DCK: variants seen among roughly 807,000 people sequenced by gnomAD.
The protein encoded by DCK is deoxyadenosine kinase.
DCK carries 23 observed loss-of-function variants against 38.3 expected under a neutral mutation model. That is an observed-to-expected ratio of 0.60 (90% CI 0.43 to 0.85). The LOEUF (loss-of-function observed/expected upper bound fraction) is 0.85, where lower values mean the gene tolerates loss of function less well. DCK is among the 40% of genes least tolerant of loss of function. The probability of loss-of-function intolerance (pLI) is 0.00; values close to 1 mark genes in which losing one functional copy is unlikely to be tolerated. For synonymous variants in DCK, 108 were observed against 100.6 expected, an observed-to-expected ratio of 1.07 and a Z score of -0.44; for missense variants, 259 against 304.4, an observed-to-expected ratio of 0.85 and a Z score of 1.11.
At chr4:71,002,690 A>T (rs1739837864) in intron 2 of DCK, among the ~76,000 whole-genome samples, 1 of 152,010 alleles carries the variant, frequency 6.6e-6, no homozygotes, top group Non-Finnish European at 1.5e-5. Context: ...TTGTTGTTGC[A>T]TTGAACCCTT....
intron 1 of DCK, among the ~76,000 whole-genome samples, chr4:70,997,142 C>G (rs1242304889): frequency 2.0e-5 from 3 of 152,150 alleles, no homozygotes; most frequent in Non-Finnish European, 4.4e-5. Flanking sequence ...AAGTTGAATG[C>G]TGTAGCCTTA....
Position 71,029,455 on chromosome 4 carries a change from T to A in DCK, c.*77T>A, listed in dbSNP as rs748391509. 1 of 1,080,282 alleles carries A rather than the reference T, an allele frequency of 9.3e-7. No homozygotes were observed. Among genetic ancestry groups the A allele is most frequent in the Non-Finnish European group, 1.4e-6 (1 of 723,784 alleles). The allele number at this position is 1,080,282 out of a possible 1,614,324, so 66.9% of individuals were successfully genotyped here. The stretch of plus-strand genomic sequence containing the variant: ...GTATCTTCGTAACTTCATATTAATA[T>A]AAGTTTCTTTAGAAAACCCAAGTTT... On this transcript the variant is annotated 3_prime_UTR_variant, in exon 7 of 7. Transcript: ENST00000286648.
chr4:71,007,173 T>C (rs1055821612), intron 2 of DCK, among the ~76,000 whole-genome samples: 1 of 152,240 alleles, frequency 6.6e-6, no homozygotes, highest in African/African-American at 2.4e-5. Flanking sequence ...TCTTCCCATA[T>C]AGACCTCATT....
chr4:70,999,592 G>A (rs574796150), intron 2 of DCK, among the ~76,000 whole-genome samples: 6 of 152,240 alleles, frequency 3.9e-5, no homozygotes, highest in South Asian at 2.1e-4. Flanking sequence ...TTGAGGAATC[G>A]CCACACTATC....
At chr4:71,006,406 C>G in intron 2 of DCK, 1 of 346,048 alleles carries the variant, frequency 2.9e-6, no homozygotes. Flanking sequence ...ATTTTCGTTT[C>G]TGGAGAAATG....
At chr4:71,020,752 G>A (rs1740393925) in intron 2 of DCK, among the ~76,000 whole-genome samples, 3 of 151,730 alleles carry the variant, frequency 2.0e-5, no homozygotes, top group Admixed American at 1.3e-4. Context: ...ATTCATTTTC[G>A]ATGTTCAAAT....
chr4:71,025,957 C>A, intron 5 of DCK, 26 bp downstream of exon 5: 1 of 1,551,354 alleles, frequency 6.4e-7, no homozygotes, highest in South Asian at 1.3e-5. Flanking sequence ...ATTTACTATT[C>A]ATTTTAAATA....
At chr4:71,006,908 A>AG (rs1396700085) in intron 2 of DCK, among the ~76,000 whole-genome samples, 1 of 152,238 alleles carries the variant, frequency 6.6e-6, no homozygotes, top group Non-Finnish European at 1.5e-5. Flanking sequence ...TTGAAAAAAA[A>AG]GTATCTAAAA....
chr4:71,001,962 C>T (rs772725045), intron 2 of DCK, among the ~76,000 whole-genome samples: 2 of 152,090 alleles, frequency 1.3e-5, no homozygotes, highest in Non-Finnish European at 2.9e-5. Flanking sequence ...TTTCGTGTCT[C>T]TATCTCCTTC....
chr4:71,029,474 C>A lies in DCK; in HGVS notation c.*96C>A. On this transcript the variant is annotated 3_prime_UTR_variant, in exon 7 of 7. Coordinates refer to ENST00000286648, the MANE Select transcript of DCK (RefSeq NM_000788.3). The stretch of plus-strand genomic sequence containing the variant: ...TTAATATAAGTTTCTTTAGAAAACC[C>A]AAGTTTTTAATCGTTTTTGTTTTAA... 1 of 901,720 alleles carries A rather than the reference C, an allele frequency of 1.1e-6. No individual in the cohort carries two copies. The highest frequency in any genetic ancestry group is 1.6e-5 in the South Asian group (1 of 61,684). 55.9% of individuals were successfully genotyped at this position (901,720 alleles called of 1,614,324 possible).
chr4:71,006,302 C>T, intron 2 of DCK: 1 of 958,020 alleles, frequency 1.0e-6, no homozygotes, highest in Non-Finnish European at 1.2e-6. Context: ...CCGTTCTGCA[C>T]TGCAAATGAG....
chr4:71,008,187 T>C (rs1739996592), intron 2 of DCK, among the ~76,000 whole-genome samples: 1 of 152,326 alleles, frequency 6.6e-6, no homozygotes, highest in South Asian at 2.1e-4. Context: ...AGAAGTAAAA[T>C]TACTGGGAAT....
In DCK at chr4:71,029,560, G is replaced by C. The variant is rs1032337536; in HGVS notation, c.*182G>C. 1 of 450,450 alleles carries C rather than the reference G, an allele frequency of 2.2e-6. No homozygotes were observed. The highest frequency in any genetic ancestry group is 4.0e-6 in the Non-Finnish European group (1 of 248,516). The allele number at this position is 450,450 out of a possible 1,614,324, so 27.9% of individuals were successfully genotyped here. On this transcript the variant is annotated 3_prime_UTR_variant, in exon 7 of 7. Coordinates refer to ENST00000286648, the MANE Select transcript of DCK (RefSeq NM_000788.3). ...CTTTTTGACCAGTTTCTTTTCTTTT[G>C]TTTTTTTTTTAAAAAAGACATTTAA... is the stretch of plus-strand genomic sequence containing the variant.
intron 2 of DCK, among the ~76,000 whole-genome samples, chr4:71,015,085 G>C (rs1329260237): frequency 6.6e-6 from 1 of 151,678 alleles, no homozygotes; most frequent in Non-Finnish European, 1.5e-5. Flanking sequence ...ATGACAAAGG[G>C]AGTATCACCA....
intron 2 of DCK, among the ~76,000 whole-genome samples, chr4:71,020,347 G>T (rs76686379): frequency 0.023 from 3,500 of 152,294 alleles, 148 homozygotes; most frequent in African/African-American, 0.08. Flanking sequence ...ACATCAAGAA[G>T]ATGTGTTTTG....
At chr4:71,019,521 C>T (rs1050991349) in intron 2 of DCK, among the ~76,000 whole-genome samples, 1 of 151,916 alleles carries the variant, frequency 6.6e-6, no homozygotes, top group Non-Finnish European at 1.5e-5. Context: ...ATCCAGAGAC[C>T]CCTGGAGCTT....
At position 71,008,274 on chromosome 4, in the gene DCK, G is replaced by T. The variant is rs376334955; in HGVS notation, c.207+10092G>T. On this transcript the variant is annotated intron_variant, in intron 2 of 6. Coordinates refer to ENST00000286648, the MANE Select transcript of DCK (RefSeq NM_000788.3). ...TGTAATCAAGCTCTCATTAATCTAT[G>T]TCTTTGCCAGCATTTAGTAGTGTCT... is the stretch of plus-strand genomic sequence containing the variant. Among the ~76,000 whole-genome samples, 122 of 152,310 alleles carry T rather than the reference G, an allele frequency of 8.0e-4. 2 individuals carry two copies. The highest frequency in any genetic ancestry group is 2.8e-3 in the African/African-American group (117 of 41,574).
intron 2 of DCK, among the ~76,000 whole-genome samples, chr4:71,006,933 G>A (rs572677637): frequency 6.6e-6 from 1 of 152,162 alleles, no homozygotes; most frequent in African/African-American, 2.4e-5. Flanking sequence ...TTAGCTGTTG[G>A]TATAAGGAAT....
chr4:71,019,592 C>G (rs115292352), intron 2 of DCK, among the ~76,000 whole-genome samples: 1,746 of 152,160 alleles, frequency 0.011, 38 homozygotes, highest in African/African-American at 0.04. Flanking sequence ...CTGGAAAAGA[C>G]AGACTCACAG....
Sources: gnomAD v4.1 joint callset for allele counts (sites outside exome capture counted in the v4.1 genomes callset) on GRCh38, gnomAD v4.1.1 for gene constraint, MANE v1.5 for transcripts, NCBI Gene and HGNC (gene_info 2026-07-23, HGNC 2026-07-21) for gene names.